KIDINS220: variants seen among roughly 807,000 people sequenced by gnomAD.
KIDINS220 encodes kinase D-interacting substrate of 220 kDa.
KIDINS220 carries 63 observed loss-of-function variants against 157.6 expected under a neutral mutation model. The observed-to-expected ratio is 0.40, with a 90% CI of 0.33 to 0.49. The LOEUF (loss-of-function observed/expected upper bound fraction) is 0.49. Among genes scored for constraint, KIDINS220 ranks in the 20% least tolerant of loss-of-function variants. The probability of loss-of-function intolerance (pLI) is 0.66; values close to 1 mark genes in which losing one functional copy is unlikely to be tolerated. For synonymous variants in KIDINS220, 732 were observed against 783.6 expected, an observed-to-expected ratio of 0.93 and a Z score of 1.10; for missense variants, 1,772 against 2,171.2, an observed-to-expected ratio of 0.82 and a Z score of 3.65.
chr2:8,724,556 G>A (rs1363825567), downstream of KIDINS220: 6 of 152,080 alleles, frequency 3.9e-5, no homozygotes, highest in African/African-American at 4.8e-5. The surrounding 1 kb of genome is among the most constrained non-coding windows in gnomAD (Gnocchi z 4.6). Context: ...TAATTTGAAG[G>A]CACTGTGTAG....
intron 1 of KIDINS220, among the ~76,000 whole-genome samples, chr2:8,836,959 G>T (rs1337247461): frequency 6.6e-6 from 1 of 152,166 alleles, no homozygotes; most frequent in Non-Finnish European, 1.5e-5. Flanking sequence ...TGGAGGCGTG[G>T]AAATCAATGG....
rs1210860706 is a variant in KIDINS220 at position 8,829,954 on chromosome 2, CAGA to C, written c.-36-2828_-36-2826del. Among the ~76,000 whole-genome samples, 3 of 151,866 alleles carry C rather than the reference CAGA, an allele frequency of 2.0e-5. No homozygotes were observed. The East Asian group carries it at 5.9e-4, about 30-fold the overall frequency. On this transcript the variant is annotated intron_variant, in intron 1 of 29. Transcript: ENST00000256707. ...CAGCTCACCCCACAGCCCAGCCAAG[CAGA>C]AGAACTCAAATTCACCACACTCCCC... is the stretch of plus-strand genomic sequence containing the variant.
chr2:8,810,053 G>A (rs1676068320), intron 6 of KIDINS220, among the ~76,000 whole-genome samples: 1 of 152,080 alleles, frequency 6.6e-6, no homozygotes, highest in South Asian at 2.1e-4. Flanking sequence ...CCGTCCCCTG[G>A]TACCTTGTGC....
At position 8,748,016 on chromosome 2, in the gene KIDINS220, T is replaced by C; in HGVS notation, c.3415-16A>G. On this transcript the variant is annotated splice_polypyrimidine_tract_variant and intron_variant, in intron 24 of 29. Coordinates refer to ENST00000256707, the MANE Select transcript of KIDINS220 (RefSeq NM_020738.4). ...CAAAGAATGGCTATGGAAAAACATG[T>C]AACAAAAAAGGGGTAAACAATTACA... 6.1e-6 allele frequency: 9 copies of C among 1,475,914 alleles called. No individual in the cohort carries two copies. The highest frequency in any genetic ancestry group is 8.2e-6 in the Non-Finnish European group (9 of 1,092,360). 91.4% of individuals were successfully genotyped at this position (1,475,914 alleles called of 1,614,324 possible).
At chr2:8,786,098 A>C in intron 16 of KIDINS220, 68 bp from the exon 17 acceptor site, 3 of 1,561,200 alleles carry the variant, frequency 1.9e-6, no homozygotes, top group Non-Finnish European at 2.6e-6. Context: ...CATTATAGTC[A>C]CAATACCTGA....
intron 17 of KIDINS220, among the ~76,000 whole-genome samples, chr2:8,783,354 G>A (rs1263440106): frequency 6.6e-6 from 1 of 152,156 alleles, no homozygotes; most frequent in African/African-American, 2.4e-5. Flanking sequence ...AAGAGTATCT[G>A]TAGTTAACAT....
intron 6 of KIDINS220, among the ~76,000 whole-genome samples, chr2:8,810,772 C>A (rs1033518295): frequency 6.6e-6 from 1 of 151,378 alleles, no homozygotes; most frequent in African/African-American, 2.4e-5. Flanking sequence ...GGTGACAGAG[C>A]GAGACTCTGT....
Position 8,785,901 on chromosome 2 carries a change from T to C in KIDINS220, c.2069A>G (p.Asn690Ser). 6.2e-7 allele frequency: 1 copy of C among 1,614,104 alleles called. No individual in the cohort carries two copies. The highest frequency in any genetic ancestry group is 8.5e-7 in the Non-Finnish European group (1 of 1,180,006). The change falls in exon 17 of 30, where the codon AAT (asparagine) becomes AGT (serine). Residue 690 changes from asparagine (N) to serine (S), a missense_variant. Asn to Ser is a conservative substitution (Grantham distance 46). Transcript: ENST00000256707. Reference sequence around the variant, plus strand: ...AGATGCGATTGATATGAGGACAGCATTTACAGTCAGATGCTTTGGGTCAAC... The same window carrying C: ...AGATGCGATTGATATGAGGACAGCACTTACAGTCAGATGCTTTGGGTCAAC... ...FRVDPKHLTVNAVLISIASVV... is the reference protein window; with the variant it reads ...FRVDPKHLTVSAVLISIASVV...
intron 2 of KIDINS220, among the ~76,000 whole-genome samples, chr2:8,823,433 TAA>T (rs35736601): frequency 8.6e-5 from 11 of 127,186 alleles, no homozygotes; most frequent in Admixed American, 7.9e-5. Flanking sequence ...AGCAAAATGC[TAA>T]AAAAAAAAAA....
intron 4 of KIDINS220, among the ~76,000 whole-genome samples, chr2:8,813,911 G>A (rs373857833): frequency 6.6e-5 from 10 of 152,176 alleles, no homozygotes; most frequent in African/African-American, 1.7e-4. Context: ...GCGACAGTGC[G>A]AGACTCCATC....
chr2:8,806,455 T>C, intron 6 of KIDINS220, 86 bp from the exon 7 acceptor site: 1 of 800,380 alleles, frequency 1.2e-6, no homozygotes, highest in Non-Finnish European at 2.0e-6. Flanking sequence ...AATAAAAATC[T>C]TACTTTTTAT....
At chr2:8,786,452 C>A (rs763047361) in intron 15 of KIDINS220, 95 bp from the exon 16 acceptor site, 40 of 978,786 alleles carry the variant, frequency 4.1e-5, no homozygotes, top group Non-Finnish European at 5.4e-5. Flanking sequence ...CCTTTATTTT[C>A]TTTTTGTCTC....
chr2:8,747,906 C>A lies in KIDINS220; in HGVS notation c.3509G>T (p.Arg1170Ile). The A allele has an allele frequency of 6.2e-7, 1 of 1,603,342 alleles. No individual in the cohort carries two copies. Among genetic ancestry groups the A allele is most frequent in the South Asian group, 1.1e-5 (1 of 89,468 alleles). Residue 1170 changes from arginine (R) to isoleucine (I), a missense_variant, in exon 25 of 30, where the codon AGA becomes ATA. Physicochemically the swap from Arg to Ile is moderately conservative, Grantham distance 97. Coordinates refer to ENST00000256707, the MANE Select transcript of KIDINS220 (RefSeq NM_020738.4). ...SRPSVKTSLP[R>I]DQNNGLEVIK... ...ACTTACTAGGCCATTGTTCTGATCT[C>A]TGGGCAAACTCGTTTTTACTGATGG...
In KIDINS220 at chr2:8,733,633, T is replaced by C. The variant is rs372288036; in HGVS notation, c.3864A>G (p.Pro1288=). The part of the protein sequence containing the change: ...NAESHVVPED[P]RFLSESSSGP... The stretch of plus-strand genomic sequence containing the variant: ...CACTGCTGCTCTCACTGAGGAAACG[T>C]GGGTCTTCAGGGACCACGTGGCTTT... Residue 1288 remains proline, a synonymous_variant, in exon 29 of 30, where the codon CCA becomes CCG. Coordinates refer to ENST00000256707, the MANE Select transcript of KIDINS220 (RefSeq NM_020738.4). 25 of 1,607,886 alleles carry C rather than the reference T, an allele frequency of 1.6e-5. No individual in the cohort carries two copies. In the African/African-American group the frequency reaches 2.9e-4, roughly 19 times the overall value.
intron 4 of KIDINS220, among the ~76,000 whole-genome samples, chr2:8,814,953 G>A (rs905623649): frequency 2.6e-5 from 4 of 152,138 alleles, no homozygotes; most frequent in South Asian, 2.1e-4. Flanking sequence ...TAAAATTACT[G>A]ATGAGTACTC....
At chr2:8,821,363 A>C (rs1677937316) in intron 2 of KIDINS220, among the ~76,000 whole-genome samples, 1 of 150,510 alleles carries the variant, frequency 6.6e-6, no homozygotes. Context: ...AAAAACACCC[A>C]GTGTTCAGCC....
intron 22 of KIDINS220, among the ~76,000 whole-genome samples, chr2:8,756,541 T>G (rs1430826548): frequency 6.6e-6 from 1 of 152,210 alleles, no homozygotes; most frequent in Non-Finnish European, 1.5e-5. Flanking sequence ...ATAGGCTGGG[T>G]GGCTTAAATA....
At chr2:8,835,213 T>C (rs181527202) in intron 1 of KIDINS220, among the ~76,000 whole-genome samples, 52 of 152,212 alleles carry the variant, frequency 3.4e-4, no homozygotes, top group Middle Eastern at 3.4e-3. Context: ...CTATTACAGA[T>C]CTAGAACAGG....
chr2:8,737,973 T>TA (rs1401158826), intron 26 of KIDINS220, among the ~76,000 whole-genome samples: 2 of 152,228 alleles, frequency 1.3e-5, no homozygotes, highest in African/African-American at 2.4e-5. Context: ...CATTTCTTCT[T>TA]ATTGCTGAGT....
Sources: allele counts gnomAD v4.1 joint callset (sites outside exome capture counted in the v4.1 genomes callset), GRCh38; gene constraint gnomAD v4.1.1; non-coding constraint Gnocchi (gnomAD v3.1); transcripts MANE v1.5; gene names NCBI Gene and HGNC (gene_info 2026-07-23, HGNC 2026-07-21).